SOWAHC: variants seen among roughly 807,000 people sequenced by gnomAD.
The protein encoded by SOWAHC is sosondowah ankyrin repeat domain family member C.
SOWAHC carries 12 observed loss-of-function variants against 14.4 expected under a neutral mutation model. That is an observed-to-expected ratio of 0.83 (90% CI 0.53 to 1.35). SOWAHC has a LOEUF of 1.35. Among genes scored for constraint, SOWAHC ranks in the 40% most tolerant of loss-of-function variants. SOWAHC has a pLI of 0.00. For synonymous variants in SOWAHC, 398 were observed against 347.0 expected, an observed-to-expected ratio of 1.15 and a Z score of -1.63; for missense variants, 771 against 752.8, an observed-to-expected ratio of 1.02 and a Z score of -0.28.
rs1453714442 is a variant in SOWAHC at position 109,617,473 on chromosome 2, A to G, written c.*1406A>G. The G allele has an allele frequency of 6.0e-6, 1 of 167,118 alleles. No homozygotes were observed. The highest frequency in any genetic ancestry group is 1.5e-5 in the Non-Finnish European group (1 of 68,126). 10.4% of individuals were successfully genotyped at this position (167,118 alleles called of 1,614,324 possible). ...CTACTTTAAAATTTAACCCACAAGCATATTAAATCTGTTTGTTATAAGATT... is the reference window on the plus strand; with the variant it reads ...CTACTTTAAAATTTAACCCACAAGCGTATTAAATCTGTTTGTTATAAGATT... On this transcript the variant is annotated 3_prime_UTR_variant, in exon 1 of 1. Coordinates refer to ENST00000356454, the MANE Select transcript of SOWAHC (RefSeq NM_023016.4).
Position 109,616,034 on chromosome 2 carries a change from C to T in SOWAHC, c.1545C>T (p.Phe515=), listed in dbSNP as rs769713274. Residue 515 remains phenylalanine, a synonymous_variant, in exon 1 of 1, where the codon TTC becomes TTT. Coordinates refer to ENST00000356454, the MANE Select transcript of SOWAHC (RefSeq NM_023016.4). The stretch of plus-strand genomic sequence containing the variant: ...GACCTGTTAAAGGCCACTCGCCCTT[C>T]ACATTGAGACCAAAGTCCAATGTAT... ...EERPVKGHSP[F]TLRPKSNVFG is the part of the protein sequence containing the mutation. The T allele has an allele frequency of 1.6e-5, 24 of 1,516,118 alleles. No homozygotes were observed. The highest frequency in any genetic ancestry group is 2.0e-5 in the Non-Finnish European group (23 of 1,133,920). 93.9% of individuals were successfully genotyped at this position (1,516,118 alleles called of 1,614,324 possible).
chr2:109,614,555 G>A lies in SOWAHC; in HGVS notation c.66G>A (p.Leu22=). ...ALGPEAVLRF[L]AERGGRALHA... ...GCCCCGAGGCGGTGCTGCGCTTCCT[G>A]GCGGAGCGCGGGGGCCGGGCCCTGC... The change falls in exon 1 of 1, where the codon CTG becomes CTA. Residue 22 remains leucine, a synonymous_variant. Coordinates refer to ENST00000356454, the MANE Select transcript of SOWAHC (RefSeq NM_023016.4). The A allele has an allele frequency of 2.3e-6, 3 of 1,326,706 alleles. No individual in the cohort carries two copies. The highest frequency in any genetic ancestry group is 4.0e-5 in the Admixed American group (1 of 25,072). The allele number at this position is 1,326,706 out of a possible 1,614,324, so 82.2% of individuals were successfully genotyped here. A position where few individuals can be genotyped will look rare whatever the true frequency, so the allele number is the denominator to read the frequency against.
chr2:109,616,012 C>G lies in SOWAHC; in HGVS notation c.1523C>G (p.Pro508Arg). 6.5e-7 allele frequency: 1 copy of G among 1,527,242 alleles called. No homozygotes were observed. Among genetic ancestry groups the G allele is most frequent in the Non-Finnish European group, 8.8e-7 (1 of 1,140,754 alleles). 94.6% of individuals were successfully genotyped at this position (1,527,242 alleles called of 1,614,324 possible). Residue 508 changes from proline (P) to arginine (R), a missense_variant, in exon 1 of 1, where the codon CCT (proline) becomes CGT (arginine). Pro to Arg is a moderately radical substitution (Grantham distance 103). Coordinates refer to ENST00000356454, the MANE Select transcript of SOWAHC (RefSeq NM_023016.4). Reference protein sequence around the residue: ...RGEEGVGEERPVKGHSPFTLR... With the variant: ...RGEEGVGEERRVKGHSPFTLR... ...GAGGAGGGAGTGGGGGAGGAACGAC[C>G]TGTTAAAGGCCACTCGCCCTTCACA...
Position 109,615,914 on chromosome 2 carries a change from C to A in SOWAHC, c.1425C>A (p.Ile475=), listed in dbSNP as rs760688907. Residue 475 remains isoleucine (I), a synonymous_variant, in exon 1 of 1, where the codon ATC becomes ATA. Coordinates refer to ENST00000356454, the MANE Select transcript of SOWAHC (RefSeq NM_023016.4). ...SGRIKPRLNK[I]RFRTQIVHTT... ...GTATAAAACCCAGACTCAACAAAAT[C>A]CGATTCAGAACCCAGATCGTCCACA... is the stretch of plus-strand genomic sequence containing the variant. The A allele has an allele frequency of 6.2e-7, 1 of 1,609,842 alleles. No individual in the cohort carries two copies. Among genetic ancestry groups the A allele is most frequent in the East Asian group, 2.2e-5 (1 of 44,838 alleles).
chr2:109,614,392 C>T lies in SOWAHC; in HGVS notation c.-98C>T. 1.0e-6 allele frequency: 1 copy of T among 961,578 alleles called. No individual in the cohort carries two copies. Among genetic ancestry groups the T allele is most frequent in the Non-Finnish European group, 1.3e-6 (1 of 752,096 alleles). The allele number at this position is 961,578 out of a possible 1,614,324, so 59.6% of individuals were successfully genotyped here. ...CGCGTAGGCTGGCAGCCCGCTGAGC[C>T]CGCCAGACTCCGCCGCCGTCGGGAG... On this transcript the variant is annotated 5_prime_UTR_variant, in exon 1 of 1. Transcript: ENST00000356454.
chr2:109,617,543 A>G lies in SOWAHC; in HGVS notation c.*1476A>G, dbSNP rs982583358. 6.0e-6 allele frequency: 1 copy of G among 167,060 alleles called. No individual in the cohort carries two copies. The highest frequency in any genetic ancestry group is 1.9e-4 in the East Asian group (1 of 5,206). 10.3% of individuals were successfully genotyped at this position (167,060 alleles called of 1,614,324 possible). A position where few individuals can be genotyped will look rare whatever the true frequency, so the allele number is the denominator to read the frequency against. ...GACTAATTTAAACAAGTCCTCCTTT[A>G]GTCTTTTGGGTCGCGTAGTTGCTGA... On this transcript the variant is annotated 3_prime_UTR_variant, in exon 1 of 1. Coordinates refer to ENST00000356454, the MANE Select transcript of SOWAHC (RefSeq NM_023016.4).
rs1273363454 is a variant in SOWAHC at position 109,614,871 on chromosome 2, C to A, written c.382C>A (p.Pro128Thr). Residue 128 changes from proline to threonine, a missense_variant, in exon 1 of 1, where the codon CCT (proline) becomes ACT (threonine). Coordinates refer to ENST00000356454, the MANE Select transcript of SOWAHC (RefSeq NM_023016.4). The stretch of plus-strand genomic sequence containing the variant: ...CGACGCGGCGGCCCCGGAGTCGCTC[C>A]CTGGACAGGGCCGCGAGCTGGGCGA... The part of the protein sequence containing the change: ...LPDAAAPESL[P>T]GQGRELGEGE... 1.8e-5 allele frequency: 26 copies of A among 1,421,472 alleles called. No individual in the cohort carries two copies. The highest frequency in any genetic ancestry group is 2.2e-5 in the Non-Finnish European group (24 of 1,100,208). The allele number at this position is 1,421,472 out of a possible 1,614,324, so 88.1% of individuals were successfully genotyped here.
chr2:109,614,785 T>C lies in SOWAHC; in HGVS notation c.296T>C (p.Val99Ala). 6.8e-7 allele frequency: 1 copy of C among 1,476,428 alleles called. No homozygotes were observed. Among genetic ancestry groups the C allele is most frequent in the Admixed American group, 2.3e-5 (1 of 42,638 alleles). 91.5% of individuals were successfully genotyped at this position (1,476,428 alleles called of 1,614,324 possible). A position where few individuals can be genotyped will look rare whatever the true frequency, so the allele number is the denominator to read the frequency against. Residue 99 changes from valine (V) to alanine (A), a missense_variant, in exon 1 of 1, where the codon GTG (valine) becomes GCG (alanine). By Grantham distance (64) the Val-to-Ala change is moderately conservative. Coordinates refer to ENST00000356454, the MANE Select transcript of SOWAHC (RefSeq NM_023016.4). Reference sequence around the variant, plus strand: ...TCCGGGGACCCGCCGCGAATCCAGGTGACCGCCGAGCCCGAGGCCCCCGAC... The same window carrying C: ...TCCGGGGACCCGCCGCGAATCCAGGCGACCGCCGAGCCCGAGGCCCCCGAC... Reference protein sequence around the residue: ...EPSGDPPRIQVTAEPEAPDGP... With the variant: ...EPSGDPPRIQATAEPEAPDGP...
In SOWAHC at chr2:109,616,281, C is replaced by T. The variant is rs946079369; in HGVS notation, c.*214C>T. 18 of 566,318 alleles carry T rather than the reference C, an allele frequency of 3.2e-5. No homozygotes were observed. In the African/African-American group the frequency reaches 3.3e-4, roughly 10 times the overall value. 35.1% of individuals were successfully genotyped at this position (566,318 alleles called of 1,614,324 possible). ...TCATACCTTGACCTGTACCTCTTCT[C>T]TGCCCTCCACTTCCCTGCCCTGGAG... is the stretch of plus-strand genomic sequence containing the variant. On this transcript the variant is annotated 3_prime_UTR_variant, in exon 1 of 1. Coordinates refer to ENST00000356454, the MANE Select transcript of SOWAHC (RefSeq NM_023016.4).
chr2:109,616,041 AG>A lies in SOWAHC; in HGVS notation c.1553del (p.Arg518AsnfsTer14). On this transcript the variant is annotated frameshift_variant, in exon 1 of 1. Transcript: ENST00000356454. LOFTEE classifies it high-confidence loss of function. Reference protein sequence around the residue: ...PVKGHSPFTLRPKSNVFG With the variant: ...PVKGHSPFTLXPKSNVFG Reference sequence around the variant, plus strand: ...TAAAGGCCACTCGCCCTTCACATTGAGACCAAAGTCCAATGTATTTGGGTAA... The same window carrying A: ...TAAAGGCCACTCGCCCTTCACATTGAACCAAAGTCCAATGTATTTGGGTAA... 2 of 1,514,850 alleles carry A rather than the reference AG, an allele frequency of 1.3e-6. No individual in the cohort carries two copies. The highest frequency in any genetic ancestry group is 1.8e-6 in the Non-Finnish European group (2 of 1,133,154). 93.8% of individuals were successfully genotyped at this position (1,514,850 alleles called of 1,614,324 possible). A position where few individuals can be genotyped will look rare whatever the true frequency, so the allele number is the denominator to read the frequency against.
Position 109,614,944 on chromosome 2 carries a change from C to G in SOWAHC, c.455C>G (p.Ala152Gly), listed in dbSNP as rs1299301138. 2 of 1,519,024 alleles carry G rather than the reference C, an allele frequency of 1.3e-6. No homozygotes were observed. The highest frequency in any genetic ancestry group is 2.5e-5 in the South Asian group (2 of 81,548). 94.1% of individuals were successfully genotyped at this position (1,519,024 alleles called of 1,614,324 possible). A position where few individuals can be genotyped will look rare whatever the true frequency, so the allele number is the denominator to read the frequency against. The change falls in exon 1 of 1, where the codon GCT becomes GGT. Residue 152 changes from alanine to glycine, a missense_variant. By Grantham distance (60) the Ala-to-Gly change is moderately conservative. Transcript: ENST00000356454. ...CACTGGCCGCCCCTGAGCGCCGGGG[C>G]TCGCAGGAAGAACTCGCGGCGCGAC... ...PAHWPPLSAG[A>G]RRKNSRRDVQ... is the part of the protein sequence containing the mutation.
chr2:109,617,518 G>A lies in SOWAHC; in HGVS notation c.*1451G>A, dbSNP rs115335761. 9.2e-4 allele frequency: 153 copies of A among 167,134 alleles called. No individual in the cohort carries two copies. Among genetic ancestry groups the A allele is most frequent in the African/African-American group, 3.6e-3 (148 of 41,562 alleles). 10.4% of individuals were successfully genotyped at this position (167,134 alleles called of 1,614,324 possible). ...AAGATTGGAAACAATTTTTGAGAGG[G>A]ACTAATTTAAACAAGTCCTCCTTTA... On this transcript the variant is annotated 3_prime_UTR_variant, in exon 1 of 1. Coordinates refer to ENST00000356454, the MANE Select transcript of SOWAHC (RefSeq NM_023016.4).
At position 109,614,412 on chromosome 2, in the gene SOWAHC, C is replaced by T; in HGVS notation, c.-78C>T. 1.9e-6 allele frequency: 2 copies of T among 1,075,506 alleles called. No homozygotes were observed. Among genetic ancestry groups the T allele is most frequent in the Non-Finnish European group, 2.3e-6 (2 of 855,354 alleles). The allele number at this position is 1,075,506 out of a possible 1,614,324, so 66.6% of individuals were successfully genotyped here. ...TGAGCCCGCCAGACTCCGCCGCCGTCGGGAGCCGGCCGCTGGGAGCCCGTC... is the reference window on the plus strand; with the variant it reads ...TGAGCCCGCCAGACTCCGCCGCCGTTGGGAGCCGGCCGCTGGGAGCCCGTC... On this transcript the variant is annotated 5_prime_UTR_variant, in exon 1 of 1. Transcript: ENST00000356454.
In SOWAHC at chr2:109,614,936, C is replaced by T. The variant is rs1299196207; in HGVS notation, c.447C>T (p.Ser149=). Residue 149 remains serine, a synonymous_variant, in exon 1 of 1, where the codon AGC becomes AGT. Coordinates refer to ENST00000356454, the MANE Select transcript of SOWAHC (RefSeq NM_023016.4). ...CCCCCGCGCACTGGCCGCCCCTGAGCGCCGGGGCTCGCAGGAAGAACTCGC... is the reference window on the plus strand; with the variant it reads ...CCCCCGCGCACTGGCCGCCCCTGAGTGCCGGGGCTCGCAGGAAGAACTCGC... ...PPAPAHWPPL[S]AGARRKNSRR... 2 of 1,511,264 alleles carry T rather than the reference C, an allele frequency of 1.3e-6. No individual in the cohort carries two copies. The highest frequency in any genetic ancestry group is 1.4e-5 in the African/African-American group (1 of 71,218). The allele number at this position is 1,511,264 out of a possible 1,614,324, so 93.6% of individuals were successfully genotyped here.
chr2:109,615,670 T>C lies in SOWAHC; in HGVS notation c.1181T>C (p.Val394Ala), dbSNP rs1700117095. 11 of 1,613,956 alleles carry C rather than the reference T, an allele frequency of 6.8e-6. No homozygotes were observed. Among genetic ancestry groups the C allele is most frequent in the Non-Finnish European group, 8.5e-6 (10 of 1,179,958 alleles). Residue 394 changes from valine (V) to alanine (A), a missense_variant, in exon 1 of 1, where the codon GTG (valine) becomes GCG (alanine). Val to Ala is a moderately conservative substitution (Grantham distance 64). Coordinates refer to ENST00000356454, the MANE Select transcript of SOWAHC (RefSeq NM_023016.4). ...RSIAEEIKNL[V>A]GALDEGDGES... ...ATCGCCGAGGAGATCAAGAACCTGG[T>C]GGGAGCCCTGGACGAGGGTGACGGG... is the stretch of plus-strand genomic sequence containing the variant.
At position 109,616,361 on chromosome 2, in the gene SOWAHC, T is replaced by G. The variant is rs4953850; in HGVS notation, c.*294T>G. Reference sequence around the variant, plus strand: ...AATTGGGGGAACAGAATGAATGAATTAATGAATGAGAGTTCCTTTGCTTTA... The same window carrying G: ...AATTGGGGGAACAGAATGAATGAATGAATGAATGAGAGTTCCTTTGCTTTA... On this transcript the variant is annotated 3_prime_UTR_variant, in exon 1 of 1. Coordinates refer to ENST00000356454, the MANE Select transcript of SOWAHC (RefSeq NM_023016.4). The G allele has an allele frequency of 0.48, 114,520 of 236,954 alleles. 29,753 individuals carry two copies. Among genetic ancestry groups the G allele is most frequent in the African/African-American group, 0.73 (32,076 of 43,912 alleles). 14.7% of individuals were successfully genotyped at this position (236,954 alleles called of 1,614,324 possible). A position where few individuals can be genotyped will look rare whatever the true frequency, so the allele number is the denominator to read the frequency against.
Position 109,614,648 on chromosome 2 carries a change from C to G in SOWAHC, c.159C>G (p.Arg53=), listed in dbSNP as rs1700013185. ...GGEPEQRARA[R]AHFKELVNAV... Reference sequence around the variant, plus strand: ...AACCGGAGCAGCGCGCCCGCGCCCGCGCGCACTTCAAGGAGCTGGTGAACG... The same window carrying G: ...AACCGGAGCAGCGCGCCCGCGCCCGGGCGCACTTCAAGGAGCTGGTGAACG... Residue 53 remains arginine (R), a synonymous_variant, in exon 1 of 1, where the codon CGC becomes CGG. Coordinates refer to ENST00000356454, the MANE Select transcript of SOWAHC (RefSeq NM_023016.4). 6 of 1,471,942 alleles carry G rather than the reference C, an allele frequency of 4.1e-6. No homozygotes were observed. The South Asian group carries it at 7.7e-5, about 19-fold the overall frequency. 91.2% of individuals were successfully genotyped at this position (1,471,942 alleles called of 1,614,324 possible). A position where few individuals can be genotyped will look rare whatever the true frequency, so the allele number is the denominator to read the frequency against.
rs942760547 is a variant in SOWAHC, at chr2:109,615,051, A to G, written c.562A>G (p.Arg188Gly). The G allele has an allele frequency of 1.4e-5, 22 of 1,548,794 alleles. No individual in the cohort carries two copies. The African/African-American group carries it at 1.5e-4, about 11-fold the overall frequency. Reference protein sequence around the residue: ...LPPHGCEEADRGSSLVGATAQ... With the variant: ...LPPHGCEEADGGSSLVGATAQ... The stretch of plus-strand genomic sequence containing the variant: ...GCCACATGGCTGCGAGGAGGCGGAC[A>G]GGGGCAGCTCCCTTGTGGGGGCTAC... The change falls in exon 1 of 1, where the codon AGG becomes GGG. Residue 188 changes from arginine (R) to glycine (G), a missense_variant. Coordinates refer to ENST00000356454, the MANE Select transcript of SOWAHC (RefSeq NM_023016.4).
Position 109,618,788 on chromosome 2 carries a change from TAGTG to T in SOWAHC, c.*2726_*2729del, listed in dbSNP as rs1429224216. ...GTTTCTTATAAGGTACACTTGAAAC[TAGTG>T]AGTGTTTGTCACATTTCACTTTCAT... On this transcript the variant is annotated 3_prime_UTR_variant, in exon 1 of 1. Transcript: ENST00000356454. 4 of 167,066 alleles carry T rather than the reference TAGTG, an allele frequency of 2.4e-5. No individual in the cohort carries two copies. Among genetic ancestry groups the T allele is most frequent in the East Asian group, 1.9e-4 (1 of 5,200 alleles). 10.3% of individuals were successfully genotyped at this position (167,066 alleles called of 1,614,324 possible). A position where few individuals can be genotyped will look rare whatever the true frequency, so the allele number is the denominator to read the frequency against.
Sources: allele counts gnomAD v4.1 joint callset, GRCh38; gene constraint gnomAD v4.1.1; transcripts MANE v1.5; gene names NCBI Gene and HGNC (gene_info 2026-07-23, HGNC 2026-07-21).